Variants in DCLK1 observed in about 807,000 individuals in gnomAD.
The protein encoded by DCLK1 is doublecortin like kinase 1.
DCLK1 carries 16 observed loss-of-function variants against 86.2 expected under a neutral mutation model. The observed-to-expected ratio is 0.19, with a 90% CI of 0.13 to 0.28. DCLK1 has a LOEUF of 0.28. DCLK1 is among the 10% of genes least tolerant of loss of function. DCLK1 has a pLI of 1.00. For missense variants in DCLK1, 590 were observed against 940.2 expected (o/e 0.63, Z 4.87); for synonymous variants, 369 against 370.5 (o/e 1.00, Z 0.05).
At chr13:35,788,373 A>G in intron 16 of DCLK1, 1 of 1,171,064 alleles carries the variant, frequency 8.5e-7, no homozygotes, top group Non-Finnish European at 1.3e-6. Flanking sequence ...CATTGATTCT[A>G]TATGTATATA....
chr13:35,778,540 G>A (rs573265708), intron 16 of DCLK1, among the ~76,000 whole-genome samples: 1 of 152,244 alleles, frequency 6.6e-6, no homozygotes, highest in Non-Finnish European at 1.5e-5. Flanking sequence ...GAGTAAGCCT[G>A]AGTTTACTGC....
chr13:35,779,352 G>T (rs944118107), intron 16 of DCLK1, among the ~76,000 whole-genome samples: 1 of 152,128 alleles, frequency 6.6e-6, no homozygotes, highest in Non-Finnish European at 1.5e-5. Context: ...CCTTAGGCAA[G>T]AATTGTTTTG....
chr13:35,828,960 A>T (rs1251896344), intron 8 of DCLK1, among the ~76,000 whole-genome samples: 1 of 152,204 alleles, frequency 6.6e-6, no homozygotes, highest in African/African-American at 2.4e-5. Context: ...TGGAGAACTC[A>T]TAGATGATAT....
chr13:35,910,461 G>C (rs780033851), intron 4 of DCLK1, among the ~76,000 whole-genome samples: 1 of 152,218 alleles, frequency 6.6e-6, no homozygotes, highest in Non-Finnish European at 1.5e-5. Flanking sequence ...TAATAGAAAT[G>C]AGAGGACAGC....
At chr13:35,880,376 G>A (rs564734131) in intron 4 of DCLK1, among the ~76,000 whole-genome samples, 19 of 152,288 alleles carry the variant, frequency 1.2e-4, no homozygotes, top group African/African-American at 4.1e-4. Context: ...AGCATGGCCC[G>A]TGATCAGGCT....
chr13:35,871,253 C>G lies in DCLK1; in HGVS notation c.911G>C (p.Arg304Pro). The G allele has an allele frequency of 6.2e-7, 1 of 1,613,742 alleles. No individual in the cohort carries two copies. Among genetic ancestry groups the G allele is most frequent in the Non-Finnish European group, 8.5e-7 (1 of 1,179,914 alleles). The change falls in exon 5 of 17, where the codon CGT becomes CCT. Residue 304 changes from arginine to proline, a missense_variant. Arg to Pro is a moderately radical substitution (Grantham distance 103). Around this residue, in one of 6 missense-constraint regions of DCLK1, gnomAD observed 195 missense variants for 365.1 expected, o/e 0.53. Transcript: ENST00000360631. ...GCTGGTGGAGGCAGGGGACTTGCTA[C>G]GCCTGGACGGTCCTGGGCTCTTGGT... ...STTKSPGPSR[R>P]SKSPASTSSV...
intron 1 of DCLK1, among the ~76,000 whole-genome samples, chr13:36,129,069 C>T (rs1361646668): frequency 6.6e-6 from 1 of 152,134 alleles, no homozygotes; most frequent in Non-Finnish European, 1.5e-5. Context: ...TTCTTAAAGG[C>T]AGTGATCATT....
At chr13:36,014,182 G>A (rs1322000336) in intron 3 of DCLK1, among the ~76,000 whole-genome samples, 4 of 152,146 alleles carry the variant, frequency 2.6e-5, no homozygotes, top group East Asian at 1.9e-4. Context: ...CGTCGCTCAC[G>A]CTGGGAGCTG....
intron 4 of DCLK1, among the ~76,000 whole-genome samples, chr13:35,884,292 A>G (rs1351958380): frequency 6.6e-6 from 1 of 152,218 alleles, no homozygotes; most frequent in East Asian, 1.9e-4. Flanking sequence ...GTCCTCCTTC[A>G]GTTTTTATCC....
At chr13:35,833,021 T>G (rs1031494091) in intron 8 of DCLK1, among the ~76,000 whole-genome samples, 2 of 152,184 alleles carry the variant, frequency 1.3e-5, no homozygotes, top group African/African-American at 4.8e-5. Context: ...GTGGAAGCAA[T>G]GCATTTTGGT....
At chr13:35,952,830 T>C (rs1448509167) in intron 3 of DCLK1, among the ~76,000 whole-genome samples, 1 of 152,182 alleles carries the variant, frequency 6.6e-6, no homozygotes, top group East Asian at 1.9e-4. Flanking sequence ...TGATGGTGCT[T>C]AGCATTATGC....
At chr13:36,025,041 C>T (rs1363383555) in intron 3 of DCLK1, among the ~76,000 whole-genome samples, 1 of 150,704 alleles carries the variant, frequency 6.6e-6, no homozygotes, top group Non-Finnish European at 1.5e-5. Context: ...GATCTCGGCT[C>T]ACTGCAACCT....
At chr13:36,034,672 T>G (rs1882420743) in intron 3 of DCLK1, among the ~76,000 whole-genome samples, 1 of 152,184 alleles carries the variant, frequency 6.6e-6, no homozygotes, top group African/African-American at 2.4e-5. Flanking sequence ...CCTCTCTTAG[T>G]GGTGAGCAGG....
At chr13:36,117,887 G>C (rs1885844985) in intron 2 of DCLK1, among the ~76,000 whole-genome samples, 1 of 152,078 alleles carries the variant, frequency 6.6e-6, no homozygotes, top group African/African-American at 2.4e-5. Context: ...CTAATTCAGA[G>C]GAGAAAGAAG....
intron 3 of DCLK1, among the ~76,000 whole-genome samples, chr13:36,079,080 C>T (rs1042016858): frequency 6.6e-6 from 1 of 152,010 alleles, no homozygotes; most frequent in African/African-American, 2.4e-5. Context: ...GCAGAAAAGC[C>T]CCTGTGGCTA....
rs979612931 is a variant in DCLK1 at position 35,889,840 on chromosome 13, A to G, written c.824-18500T>C. 1.2e-4 allele frequency among the ~76,000 whole-genome samples: 19 copies of G among 152,176 alleles called. No homozygotes were observed. In the East Asian group the frequency reaches 3.1e-3, roughly 25 times the overall value. On this transcript the variant is annotated intron_variant, in intron 4 of 16. Transcript: ENST00000360631. ...TGAAGAGAAAATGCACTAACAGACT[A>G]TCATAGCCATGTAATTAACAGTGAC... is the stretch of plus-strand genomic sequence containing the variant.
intron 4 of DCLK1, among the ~76,000 whole-genome samples, chr13:35,921,926 T>C (rs1451862824): frequency 6.6e-6 from 1 of 152,130 alleles, no homozygotes; most frequent in Non-Finnish European, 1.5e-5. Flanking sequence ...GACTAGAAAC[T>C]GAGTTTTGGA....
intron 14 of DCLK1, among the ~76,000 whole-genome samples, chr13:35,807,133 G>C (rs974351216): frequency 1.3e-5 from 2 of 152,108 alleles, no homozygotes; most frequent in African/African-American, 4.8e-5. Context: ...CAATGAAAAG[G>C]TTTTCCTTTT....
At chr13:35,850,475 C>T in intron 6 of DCLK1, 1 of 1,170,838 alleles carries the variant, frequency 8.5e-7, no homozygotes, top group Non-Finnish European at 1.1e-6. Context: ...GTACAAAAAT[C>T]TCAGCATTTT....
Sources: gnomAD v4.1 joint callset for allele counts (sites outside exome capture counted in the v4.1 genomes callset) on GRCh38, gnomAD v4.1.1 for gene constraint, gnomAD v4.1.1 regional missense constraint, MANE v1.5 for transcripts, NCBI Gene and HGNC (gene_info 2026-07-23, HGNC 2026-07-21) for gene names.